COG2: variants seen among roughly 807,000 people sequenced by gnomAD.
COG2 encodes the protein conserved oligomeric Golgi complex subunit 2.
Under a neutral mutation model 90.6 loss-of-function variants are expected in COG2, and 52 were observed. That is an observed-to-expected ratio of 0.57 (90% CI 0.46 to 0.72). The LOEUF (loss-of-function observed/expected upper bound fraction) is 0.72, where lower values mean the gene tolerates loss of function less well. COG2 is among the 30% of genes least tolerant of loss of function. The pLI, the probability that COG2 is intolerant of heterozygous loss-of-function variation, is 0.00. For synonymous variants in COG2, 337 were observed against 320.4 expected (o/e 1.05, Z -0.55); for missense variants, 829 against 891.2 (o/e 0.93, Z 0.89).
intron 10 of COG2, chr1:230,682,573 G>A (rs1226376294): frequency 6.6e-6 from 1 of 152,228 alleles, no homozygotes; most frequent in Non-Finnish European, 1.5e-5. Flanking sequence ...AGTGTCTTCA[G>A]TGCTCAGCTG....
chr1:230,686,737 T>G (rs1483602218), intron 12 of COG2, among the ~76,000 whole-genome samples, 198 bp from the exon 13 acceptor site: 1 of 152,170 alleles, frequency 6.6e-6, no homozygotes, highest in Admixed American at 6.5e-5. Context: ...GGGGCCGTAG[T>G]TTGTCCTTGT....
intron 9 of COG2, chr1:230,678,377 C>T: frequency 1.0e-6 from 1 of 985,350 alleles, no homozygotes; most frequent in Non-Finnish European, 1.2e-6. Context: ...TAAGACAATT[C>T]TAATCACAGT....
chr1:230,678,831 A>T, intron 9 of COG2, 82 bp from the exon 10 acceptor site: 6 of 1,590,066 alleles, frequency 3.8e-6, no homozygotes, highest in Non-Finnish European at 5.1e-6. Context: ...GAGCTTCTTT[A>T]TCTTGATTAC....
rs914293768 is a variant in COG2, at chr1:230,659,517, G to A, written c.126G>A (p.Leu42=). Residue 42 remains leucine, a synonymous_variant, in exon 2 of 18, where the codon CTG becomes CTA. Coordinates refer to ENST00000366669, the MANE Select transcript of COG2 (RefSeq NM_007357.3). The part of the protein sequence containing the change: ...FVSDCRKRVQ[L]EELRDDLELY... ...CTGACTGTAGGAAGCGGGTCCAGCT[G>A]GAAGAACTGAGAGATGACCTGGAGC... is the stretch of plus-strand genomic sequence containing the variant. 2 of 1,613,908 alleles carry A rather than the reference G, an allele frequency of 1.2e-6. No homozygotes were observed. Among genetic ancestry groups the A allele is most frequent in the Middle Eastern group, 1.7e-4 (1 of 6,060 alleles).
chr1:230,685,010 G>C, intron 11 of COG2, 75 bp from the exon 12 acceptor site: 3 of 1,114,616 alleles, frequency 2.7e-6, no homozygotes, highest in Non-Finnish European at 3.9e-6. Context: ...TCGTACATCG[G>C]AAGTCTCACA....
At chr1:230,680,054 T>A (rs1662702759) in intron 10 of COG2, 1 of 152,194 alleles carries the variant, frequency 6.6e-6, no homozygotes, top group Non-Finnish European at 1.5e-5. Flanking sequence ...TTTTCCAAGG[T>A]TGCATCATCA....
In COG2 at chr1:230,691,377, A is replaced by G. The variant is rs754285005; in HGVS notation, c.1935-7A>G. 1.2e-6 allele frequency: 2 copies of G among 1,606,692 alleles called. No homozygotes were observed. The highest frequency in any genetic ancestry group is 2.2e-5 in the East Asian group (1 of 44,696). On this transcript the variant is annotated splice_polypyrimidine_tract_variant and splice_region_variant and intron_variant, in intron 16 of 17. Transcript: ENST00000366669. Reference sequence around the variant, plus strand: ...CTTTTCACCAATAAACGTGTCTTCTATTCAAGGTACTATGAAACCGTGTCA... The same window carrying G: ...CTTTTCACCAATAAACGTGTCTTCTGTTCAAGGTACTATGAAACCGTGTCA...
chr1:230,686,977 A>G lies in COG2; in HGVS notation c.1423A>G (p.Lys475Glu). 1 of 1,600,078 alleles carries G rather than the reference A, an allele frequency of 6.2e-7. No individual in the cohort carries two copies. Among genetic ancestry groups the G allele is most frequent in the Non-Finnish European group, 8.5e-7 (1 of 1,171,136 alleles). Residue 475 changes from lysine (K) to glutamate (E), a missense_variant, in exon 13 of 18, where the codon AAG (lysine) becomes GAG (glutamate). Coordinates refer to ENST00000366669, the MANE Select transcript of COG2 (RefSeq NM_007357.3). ...TTCTAATGAAAGTCCCAAGGAGATC[A>G]AGAAACCTTTGGTAACTGGTAGCAA... Reference protein sequence around the residue: ...PISNESPKEIKKPLVTGSKEP... With the variant: ...PISNESPKEIEKPLVTGSKEP...
intron 1 of COG2, among the ~76,000 whole-genome samples, chr1:230,646,185 C>CAAAT (rs1364240466): frequency 1.3e-5 from 2 of 152,162 alleles, no homozygotes; most frequent in Non-Finnish European, 2.9e-5. Context: ...ATCTCACAGC[C>CAAAT]AAATGCTCAC....
Position 230,660,817 on chromosome 1 carries a change from G to A in COG2, c.294G>A (p.Glu98=). 6.3e-7 allele frequency: 1 copy of A among 1,577,094 alleles called. No individual in the cohort carries two copies. Residue 98 remains glutamate (E), a synonymous_variant, in exon 3 of 18, where the codon GAG becomes GAA. Transcript: ENST00000366669. ...LSVPLGQLRE[E]VLSLRSSVSE... The stretch of plus-strand genomic sequence containing the variant: ...TGCCTTTGGGACAATTACGAGAAGA[G>A]GTTCTGGTAAGTTTCCCGAATAACA...
chr1:230,642,884 C>T (rs959349236), intron 1 of COG2: 3 of 549,636 alleles, frequency 5.5e-6, no homozygotes, highest in Admixed American at 7.3e-5. Context: ...TAAAATCGTG[C>T]GTGTTACATG....
At chr1:230,687,953 C>A in intron 13 of COG2, 118 bp from the exon 14 acceptor site, 1 of 652,886 alleles carries the variant, frequency 1.5e-6, no homozygotes, top group Non-Finnish European at 2.6e-6. Flanking sequence ...TACTGAAATT[C>A]CTGATTTTAA....
chr1:230,693,314 C>T lies in COG2; in HGVS notation c.2138C>T (p.Ala713Val). 3 of 1,613,056 alleles carry T rather than the reference C, an allele frequency of 1.9e-6. No individual in the cohort carries two copies. The highest frequency in any genetic ancestry group is 2.5e-6 in the Non-Finnish European group (3 of 1,179,226). Residue 713 changes from alanine to valine, a missense_variant, in exon 18 of 18, where the codon GCA (alanine) becomes GTA (valine). Transcript: ENST00000366669. Reference sequence around the variant, plus strand: ...CAGATACAAAAGTTGGGACTACAAGCAAGTGACATAAAAAGCTTCTCAGCT... The same window carrying T: ...CAGATACAAAAGTTGGGACTACAAGTAAGTGACATAAAAAGCTTCTCAGCT... ...GEQIQKLGLQ[A>V]SDIKSFSALA... is the part of the protein sequence containing the mutation.
At chr1:230,648,921 A>G (rs944140172) in intron 1 of COG2, among the ~76,000 whole-genome samples, 2 of 152,214 alleles carry the variant, frequency 1.3e-5, no homozygotes, top group African/African-American at 4.8e-5. Flanking sequence ...AGAAGACCAC[A>G]TAGATTGTCA....
chr1:230,664,546 C>T lies in COG2; in HGVS notation c.444C>T (p.Asn148=), dbSNP rs1344720711. 1.9e-6 allele frequency: 3 copies of T among 1,582,982 alleles called. No individual in the cohort carries two copies. Among genetic ancestry groups the T allele is most frequent in the African/African-American group, 2.7e-5 (2 of 73,410 alleles). The part of the protein sequence containing the change: ...RSVEKIEKIL[N]SQSSKETSAL... ...TTGAGAAAATTGAAAAAATCTTAAA[C>T]TCTCAAAGTTCTAAAGAAACCTCTG... is the stretch of plus-strand genomic sequence containing the variant. The change falls in exon 5 of 18, where the codon AAC becomes AAT. Residue 148 remains asparagine, a synonymous_variant. Transcript: ENST00000366669.
chr1:230,652,901 T>C (rs1418248727), intron 1 of COG2, among the ~76,000 whole-genome samples: 1 of 152,230 alleles, frequency 6.6e-6, no homozygotes, highest in African/African-American at 2.4e-5. Flanking sequence ...AAATAAAAAT[T>C]ATATACAGTG....
chr1:230,678,656 G>T (rs774726972), intron 9 of COG2: 1 of 1,399,224 alleles, frequency 7.1e-7, no homozygotes, highest in South Asian at 1.2e-5. Context: ...CATTTAAAGA[G>T]CACCAGACTT....
At chr1:230,690,371 C>CG (rs1662996820) in intron 16 of COG2, 2 of 450,052 alleles carry the variant, frequency 4.4e-6, no homozygotes, top group Non-Finnish European at 3.9e-6. Context: ...GCTTCAGCCT[C>CG]GGGGCCGGGC....
intron 10 of COG2, chr1:230,682,792 A>ATATATCAT: frequency 6.6e-6 from 1 of 152,386 alleles, no homozygotes; most frequent in Non-Finnish European, 1.5e-5. Context: ...CATGCTAGTA[A>ATATATCAT]AGAGATATAT....
Sources: allele counts gnomAD v4.1 joint callset (sites outside exome capture counted in the v4.1 genomes callset), GRCh38; gene constraint gnomAD v4.1.1; transcripts MANE v1.5; gene names NCBI Gene and HGNC (gene_info 2026-07-23, HGNC 2026-07-21).